ARHGAP42: variants seen among roughly 807,000 people sequenced by gnomAD.
ARHGAP42 encodes rho GTPase-activating protein 42.
A neutral mutation model predicts 125.0 loss-of-function variants in ARHGAP42; 63 were observed. That is an observed-to-expected ratio of 0.50 (90% CI 0.41 to 0.62). The LOEUF is 0.62. Among genes scored for constraint, ARHGAP42 ranks in the 20% least tolerant of loss-of-function variants. ARHGAP42 has a pLI of 0.00. For synonymous variants in ARHGAP42, 339 were observed against 351.0 expected (o/e 0.97, Z 0.38); for missense variants, 766 against 1,024.2 (o/e 0.75, Z 3.44).
At chr11:100,794,050 C>A (rs1043634409) in intron 2 of ARHGAP42, among the ~76,000 whole-genome samples, 2 of 112,744 alleles carry the variant, frequency 1.8e-5, no homozygotes, top group Non-Finnish European at 3.4e-5. Context: ...CTCTCCAATC[C>A]GAACAACAGA....
At chr11:100,695,347 A>G (rs1384496855) in intron 1 of ARHGAP42, among the ~76,000 whole-genome samples, 2 of 152,334 alleles carry the variant, frequency 1.3e-5, no homozygotes, top group African/African-American at 2.4e-5. Flanking sequence ...CTTGATGCCC[A>G]GGTTGGAATG....
At chr11:100,922,844 TAGGC>T (rs1156818123) in intron 6 of ARHGAP42, among the ~76,000 whole-genome samples, 1 of 152,158 alleles carries the variant, frequency 6.6e-6, no homozygotes, top group Non-Finnish European at 1.5e-5. Flanking sequence ...TCCTGTAAAC[TAGGC>T]AGTAGGCACA....
At chr11:100,823,159 T>G (rs1864441352) in intron 3 of ARHGAP42, among the ~76,000 whole-genome samples, 1 of 152,154 alleles carries the variant, frequency 6.6e-6, no homozygotes, top group Non-Finnish European at 1.5e-5. Flanking sequence ...AATTTAGAAA[T>G]GAAACTTGAG....
At chr11:100,911,559 C>A (rs950511962) in intron 4 of ARHGAP42, among the ~76,000 whole-genome samples, 1 of 151,956 alleles carries the variant, frequency 6.6e-6, no homozygotes, top group Non-Finnish European at 1.5e-5. Context: ...AAAAAAGGAT[C>A]ATGGATAGGG....
chr11:100,705,978 T>A (rs570266513), intron 1 of ARHGAP42, among the ~76,000 whole-genome samples: 1 of 29,468 alleles, frequency 3.4e-5, no homozygotes, highest in East Asian at 3.8e-4. Context: ...GTTAAGTAAC[T>A]TTTTTTTTTT....
intron 3 of ARHGAP42, among the ~76,000 whole-genome samples, chr11:100,837,261 A>G (rs1864810266): frequency 6.6e-6 from 1 of 152,108 alleles, no homozygotes; most frequent in South Asian, 2.1e-4. Flanking sequence ...CAGTTATCCA[A>G]ATTAGGAAGT....
At chr11:100,874,132 G>A (rs1269042687) in intron 4 of ARHGAP42, among the ~76,000 whole-genome samples, 7 of 151,672 alleles carry the variant, frequency 4.6e-5, no homozygotes, top group Non-Finnish European at 3.0e-5. Flanking sequence ...CTTTTGTGCT[G>A]TGTCATACAT....
At chr11:100,717,248 C>CCAGTGGTTTTCAAA (rs1440350802) in intron 1 of ARHGAP42, among the ~76,000 whole-genome samples, 1 of 152,040 alleles carries the variant, frequency 6.6e-6, no homozygotes, top group African/African-American at 2.4e-5. Flanking sequence ...TTCAAATGTT[C>CCAGTGGTTTTCAAA]CAGTGGTTTT....
intron 3 of ARHGAP42, among the ~76,000 whole-genome samples, chr11:100,852,964 T>C (rs1392894585): frequency 6.6e-6 from 1 of 152,152 alleles, no homozygotes. Context: ...ATTTAACCTG[T>C]TGGAATGAAA....
intron 10 of ARHGAP42, among the ~76,000 whole-genome samples, chr11:100,945,989 T>C (rs533782469): frequency 6.6e-6 from 1 of 152,144 alleles, no homozygotes; most frequent in African/African-American, 2.4e-5. Flanking sequence ...TTCATCTACA[T>C]TGAAAATCTG....
At chr11:100,748,299 C>T (rs12270239) in intron 1 of ARHGAP42, among the ~76,000 whole-genome samples, 20,578 of 152,144 alleles carry the variant, frequency 0.14, 1,658 homozygotes, top group East Asian at 0.29. Context: ...AATTATTAGG[C>T]AATTTTCCTA....
intron 1 of ARHGAP42, among the ~76,000 whole-genome samples, chr11:100,747,720 T>C (rs1862337290): frequency 6.6e-6 from 1 of 152,254 alleles, no homozygotes; most frequent in Non-Finnish European, 1.5e-5. Flanking sequence ...AAGTGTATTT[T>C]ACTTTCCTTA....
intron 1 of ARHGAP42, among the ~76,000 whole-genome samples, chr11:100,744,604 A>C (rs1455369055): frequency 6.6e-6 from 1 of 150,388 alleles, no homozygotes; most frequent in Non-Finnish European, 1.5e-5. Context: ...TTGCTCCTTA[A>C]GGATGTTACT....
chr11:100,872,402 G>C (rs1267130051), intron 4 of ARHGAP42, among the ~76,000 whole-genome samples: 1 of 151,670 alleles, frequency 6.6e-6, no homozygotes, highest in African/African-American at 2.4e-5. Flanking sequence ...TGTTGTTGTT[G>C]TTGTTTGTTT....
chr11:100,713,306 G>A (rs1188285576), intron 1 of ARHGAP42, among the ~76,000 whole-genome samples: 5 of 152,112 alleles, frequency 3.3e-5, no homozygotes, highest in Non-Finnish European at 7.3e-5. Flanking sequence ...CACAGATATT[G>A]AGGCAGATGG....
At chr11:100,844,470 T>C (rs535908215) in intron 3 of ARHGAP42, among the ~76,000 whole-genome samples, 5 of 152,146 alleles carry the variant, frequency 3.3e-5, no homozygotes, top group African/African-American at 1.2e-4. Flanking sequence ...ACTAAAAAGC[T>C]TTTGCACAAC....
At chr11:100,888,333 G>T (rs1258939660) in intron 4 of ARHGAP42, among the ~76,000 whole-genome samples, 1 of 151,992 alleles carries the variant, frequency 6.6e-6, no homozygotes, top group Non-Finnish European at 1.5e-5. Context: ...TTCATTTCTT[G>T]TAAAGTGCCA....
At chr11:100,887,664 T>C (rs2135186663) in intron 4 of ARHGAP42, among the ~76,000 whole-genome samples, 1 of 152,302 alleles carries the variant, frequency 6.6e-6, no homozygotes, top group East Asian at 1.9e-4. Context: ...CAAGTTTCCC[T>C]TCAGGATGAC....
rs535893649 is a variant in ARHGAP42, at chr11:100,764,605, A to C, written c.155-5738A>C. 1.4e-4 allele frequency among the ~76,000 whole-genome samples: 21 copies of C among 152,322 alleles called. No homozygotes were observed. In the South Asian group the frequency reaches 4.4e-3, roughly 32 times the overall value. On this transcript the variant is annotated intron_variant, in intron 1 of 23. Coordinates refer to ENST00000298815, the MANE Select transcript of ARHGAP42 (RefSeq NM_152432.4). Reference sequence around the variant, plus strand: ...TAAGTAGTAAAACATTGTTGTCATCATCATTATTTCTGAAAGTGAATAACT... The same window carrying C: ...TAAGTAGTAAAACATTGTTGTCATCCTCATTATTTCTGAAAGTGAATAACT...
Sources: allele counts gnomAD v4.1 joint callset (sites outside exome capture counted in the v4.1 genomes callset), GRCh38; gene constraint gnomAD v4.1.1; transcripts MANE v1.5; gene names NCBI Gene and HGNC (gene_info 2026-07-23, HGNC 2026-07-21).